PPP1R21: variants seen among roughly 807,000 people sequenced by gnomAD.
PPP1R21 encodes KLRAQ motif containing 1.
Under a neutral mutation model 112.8 loss-of-function variants are expected in PPP1R21, and 85 were observed. That is an observed-to-expected ratio of 0.75 (90% CI 0.63 to 0.90). The LOEUF (loss-of-function observed/expected upper bound fraction) is 0.90, where lower values mean the gene tolerates loss of function less well. Ranked by LOEUF, PPP1R21 falls within the 40% of genes least tolerant of loss-of-function variation. PPP1R21 has a pLI of 0.00. For synonymous variants in PPP1R21, 381 were observed against 322.3 expected (o/e 1.18, Z -1.95); for missense variants, 1,199 against 901.5 (o/e 1.33, Z -4.23).
chr2:48,483,363 A>G (rs1216547048), intron 13 of PPP1R21, among the ~76,000 whole-genome samples: 4 of 151,684 alleles, frequency 2.6e-5, no homozygotes, highest in Admixed American at 1.3e-4. Context: ...TTGTATTTTA[A>G]ATAGAGACAG....
At position 48,500,019 on chromosome 2, in the gene PPP1R21, C is replaced by T. The variant is rs1300232719; in HGVS notation, c.1935+1284C>T. 3.3e-5 allele frequency among the ~76,000 whole-genome samples: 5 copies of T among 152,168 alleles called. No homozygotes were observed. In the East Asian group the frequency reaches 9.7e-4, roughly 29 times the overall value. ...TGAAGACCCTGTCCTAAGGTGTGTGCTTTTCTGCTGACTTTACTCCTGAAG... is the reference window on the plus strand; with the variant it reads ...TGAAGACCCTGTCCTAAGGTGTGTGTTTTTCTGCTGACTTTACTCCTGAAG... On this transcript the variant is annotated intron_variant, in intron 17 of 21. Coordinates refer to ENST00000294952, the MANE Select transcript of PPP1R21 (RefSeq NM_001135629.3).
intron 3 of PPP1R21, 47 bp from the exon 4 acceptor site, chr2:48,458,079 C>A (rs750396675): frequency 7.9e-7 from 1 of 1,265,216 alleles, no homozygotes; most frequent in Non-Finnish European, 1.2e-6. Context: ...TAGGATGTTT[C>A]TCTAAAGGAT....
chr2:48,463,047 T>TTTG (rs1208592168), intron 7 of PPP1R21, among the ~76,000 whole-genome samples: 1 of 152,204 alleles, frequency 6.6e-6, no homozygotes, highest in Non-Finnish European at 1.5e-5. Flanking sequence ...CGAGGTTAAC[T>TTTG]TTGTTGTTGT....
intron 17 of PPP1R21, among the ~76,000 whole-genome samples, chr2:48,503,394 C>T (rs972913632): frequency 6.6e-6 from 1 of 152,096 alleles, no homozygotes; most frequent in African/African-American, 2.4e-5. Context: ...ATCTATTATA[C>T]CTTAGTTTAC....
chr2:48,503,347 AACTC>A (rs1670213597), intron 17 of PPP1R21, among the ~76,000 whole-genome samples: 2 of 152,236 alleles, frequency 1.3e-5, no homozygotes, highest in Admixed American at 1.3e-4. Flanking sequence ...TGTTATAAGA[AACTC>A]AGTAGAAACT....
rs142320568 is a variant in PPP1R21, at chr2:48,499,654, G to A, written c.1935+919G>A. On this transcript the variant is annotated intron_variant, in intron 17 of 21. Coordinates refer to ENST00000294952, the MANE Select transcript of PPP1R21 (RefSeq NM_001135629.3). The stretch of plus-strand genomic sequence containing the variant: ...TTTCTATGATCTATTCCTAGAGAGT[G>A]TAAAGCTTTATAATATACACATACT... Among the ~76,000 whole-genome samples the A allele has an allele frequency of 4.0e-3, 616 of 152,284 alleles. 3 individuals are homozygous for A. Among genetic ancestry groups the A allele is most frequent in the African/African-American group, 0.014 (579 of 41,554 alleles).
intron 3 of PPP1R21, among the ~76,000 whole-genome samples, chr2:48,455,142 ATTTTT>A (rs767494556): frequency 5.1e-5 from 6 of 117,014 alleles, no homozygotes; most frequent in Admixed American, 1.7e-4. Flanking sequence ...CCGGCCCTGA[ATTTTT>A]TTTTTTTTTT....
chr2:48,453,196 C>T (rs992668354), intron 2 of PPP1R21, among the ~76,000 whole-genome samples: 6 of 152,154 alleles, frequency 3.9e-5, no homozygotes, highest in South Asian at 2.1e-4. Context: ...TCGAGTGATC[C>T]GCCCTCTTTA....
intron 1 of PPP1R21, among the ~76,000 whole-genome samples, chr2:48,449,569 C>T (rs1263463154): frequency 3.3e-5 from 5 of 152,050 alleles, no homozygotes; most frequent in Non-Finnish European, 7.4e-5. Context: ...CTGCAGTATT[C>T]CTGCATTTTA....
At chr2:48,486,935 A>G (rs1389635093) in intron 14 of PPP1R21, among the ~76,000 whole-genome samples, 177 bp downstream of exon 14, 3 of 152,214 alleles carry the variant, frequency 2.0e-5, no homozygotes, top group Non-Finnish European at 4.4e-5. Flanking sequence ...TATTATTTTA[A>G]GAGAGGGATC....
chr2:48,513,654 A>G (rs1410164396), intron 21 of PPP1R21, among the ~76,000 whole-genome samples: 2 of 152,120 alleles, frequency 1.3e-5, no homozygotes, highest in Admixed American at 1.3e-4. Context: ...TTAGTAATTT[A>G]CATTGCTATA....
intron 9 of PPP1R21, among the ~76,000 whole-genome samples, chr2:48,466,396 T>TC: frequency 6.6e-6 from 1 of 151,938 alleles, no homozygotes; most frequent in South Asian, 2.1e-4. Flanking sequence ...TTCTTTTTTT[T>TC]CCCTATTTTT....
chr2:48,513,240 T>C (rs1020532435), intron 21 of PPP1R21, among the ~76,000 whole-genome samples: 5 of 152,054 alleles, frequency 3.3e-5, no homozygotes, highest in African/African-American at 1.2e-4. Context: ...AGTCTTGCTC[T>C]GTCACCCAGG....
chr2:48,495,959 C>A (rs1357689616), intron 16 of PPP1R21, among the ~76,000 whole-genome samples, 188 bp downstream of exon 16: 1 of 152,146 alleles, frequency 6.6e-6, no homozygotes, highest in South Asian at 2.1e-4. Flanking sequence ...CACTCTAAGT[C>A]ATCTTGATTC....
At chr2:48,446,099 A>T (rs1472330094) in intron 1 of PPP1R21, among the ~76,000 whole-genome samples, 1 of 152,030 alleles carries the variant, frequency 6.6e-6, no homozygotes, top group Non-Finnish European at 1.5e-5. Context: ...ATATGTATAA[A>T]TGTCAAAAAA....
At chr2:48,488,189 G>A (rs1039631082) in intron 14 of PPP1R21, among the ~76,000 whole-genome samples, 1 of 152,098 alleles carries the variant, frequency 6.6e-6, no homozygotes, top group Non-Finnish European at 1.5e-5. Flanking sequence ...GGTTCTGTCA[G>A]CTTACAGATC....
intron 15 of PPP1R21, among the ~76,000 whole-genome samples, chr2:48,493,363 G>C (rs188719284): frequency 9.8e-5 from 15 of 152,290 alleles, no homozygotes; most frequent in Non-Finnish European, 1.0e-4. Flanking sequence ...TCTGTATTAA[G>C]AATGTTAATT....
At chr2:48,487,689 A>C (rs955983288) in intron 14 of PPP1R21, among the ~76,000 whole-genome samples, 6 of 148,406 alleles carry the variant, frequency 4.0e-5, no homozygotes, top group African/African-American at 1.5e-4. Context: ...TGAGCCCAGG[A>C]GGTTGAGGCT....
intron 13 of PPP1R21, among the ~76,000 whole-genome samples, chr2:48,485,905 TTGTATATACTAACTAATATATAC>T (rs1669267375): frequency 1.4e-5 from 2 of 145,140 alleles, no homozygotes; most frequent in Admixed American, 7.0e-5. Flanking sequence ...ATATATACAA[TTGTATATACTAACTAATATATAC>T]AATTGTATAT....
Sources: allele counts gnomAD v4.1 joint callset (sites outside exome capture counted in the v4.1 genomes callset), GRCh38; gene constraint gnomAD v4.1.1; transcripts MANE v1.5; gene names NCBI Gene and HGNC (gene_info 2026-07-23, HGNC 2026-07-21).